The following SAXO1 variants were observed in gnomAD, a reference collection of about 807,000 sequenced individuals.
SAXO1 encodes 4930500O09Rik.
A neutral mutation model predicts 17.5 loss-of-function variants in SAXO1; 21 were observed. That is an observed-to-expected ratio of 1.20 (90% CI 0.85 to 1.72). SAXO1 has a LOEUF of 1.72. Among genes scored for constraint, SAXO1 ranks in the 40% most tolerant of loss-of-function variants. The pLI is 0.00. For missense variants in SAXO1, 843 were observed against 596.0 expected, an observed-to-expected ratio of 1.41 and a Z score of -4.32; for synonymous variants, 274 against 216.5, an observed-to-expected ratio of 1.27 and a Z score of -2.33.
At chr9:18,989,556 GCACACACACA>G (rs56265752) in intron 1 of SAXO1, among the ~76,000 whole-genome samples, 3 of 149,200 alleles carry the variant, frequency 2.0e-5, no homozygotes, top group Admixed American at 6.7e-5. Flanking sequence ...TAGCCATTAT[GCACACACACA>G]CACACACACA....
intron 1 of SAXO1, chr9:19,027,882 G>A (rs7033729): frequency 0.11 from 147,998 of 1,362,634 alleles, 9,979 homozygotes; most frequent in African/African-American, 0.31. Context: ...GGCCTGGACC[G>A]CAAGATCGAG....
intron 1 of SAXO1, among the ~76,000 whole-genome samples, chr9:19,022,061 G>T (rs1317953900): frequency 6.6e-6 from 1 of 152,186 alleles, no homozygotes; most frequent in African/African-American, 2.4e-5. Context: ...CACTCCTTGG[G>T]TCCGCACTAT....
intron 1 of SAXO1, among the ~76,000 whole-genome samples, chr9:18,995,930 C>G (rs1833982998): frequency 6.6e-6 from 1 of 151,824 alleles, no homozygotes; most frequent in Non-Finnish European, 1.5e-5. Context: ...AATACAACAA[C>G]TAGCTGGAAG....
intron 1 of SAXO1, among the ~76,000 whole-genome samples, chr9:19,041,412 C>G (rs927675743): frequency 2.6e-5 from 4 of 152,070 alleles, no homozygotes; most frequent in African/African-American, 9.7e-5. Context: ...ATGAAAGTAC[C>G]AATAACATTC....
At chr9:18,975,112 G>C (rs1051632480) in intron 1 of SAXO1, among the ~76,000 whole-genome samples, 7 of 152,162 alleles carry the variant, frequency 4.6e-5, no homozygotes, top group Non-Finnish European at 1.0e-4. Flanking sequence ...GGCAGCTATG[G>C]AGAAATAAGA....
chr9:19,001,496 T>A (rs1834260688), intron 1 of SAXO1, among the ~76,000 whole-genome samples: 1 of 151,800 alleles, frequency 6.6e-6, no homozygotes, highest in Admixed American at 6.6e-5. Context: ...TGAAACCCCG[T>A]CTCTACTAAA....
At chr9:18,993,678 G>C (rs1020499239) in intron 1 of SAXO1, among the ~76,000 whole-genome samples, 7 of 152,316 alleles carry the variant, frequency 4.6e-5, no homozygotes, top group Admixed American at 1.3e-4. Flanking sequence ...CAACAGAAAG[G>C]GGGTATAAGG....
intron 3 of SAXO1, among the ~76,000 whole-genome samples, chr9:18,935,255 A>G (rs892742201): frequency 1.3e-5 from 2 of 152,222 alleles, no homozygotes; most frequent in African/African-American, 4.8e-5. Context: ...TGGTCAGCCA[A>G]TGATTGGTCA....
chr9:18,950,003 G>C (rs1233258287), intron 2 of SAXO1, among the ~76,000 whole-genome samples: 1 of 152,100 alleles, frequency 6.6e-6, no homozygotes, highest in Non-Finnish European at 1.5e-5. Flanking sequence ...TGCACTCAAA[G>C]ATGTTTCCAC....
chr9:19,017,019 A>G (rs1342761874), intron 1 of SAXO1, among the ~76,000 whole-genome samples: 1 of 151,660 alleles, frequency 6.6e-6, no homozygotes, highest in Non-Finnish European at 1.5e-5. Flanking sequence ...TTCAATGCAG[A>G]CCAATTGGGC....
intron 2 of SAXO1, among the ~76,000 whole-genome samples, chr9:18,947,413 C>T (rs549658008): frequency 6.6e-6 from 1 of 152,230 alleles, no homozygotes; most frequent in South Asian, 2.1e-4. Context: ...CTACCAATTC[C>T]CTGCCGTCTG....
chr9:18,959,966 A>G (rs181321904), intron 1 of SAXO1, among the ~76,000 whole-genome samples: 9 of 152,182 alleles, frequency 5.9e-5, no homozygotes, highest in Admixed American at 5.9e-4. Flanking sequence ...GCAGATGCTG[A>G]TGAGAGAAGC....
chr9:18,937,734 G>A (rs1004046571), intron 3 of SAXO1, among the ~76,000 whole-genome samples: 1 of 152,056 alleles, frequency 6.6e-6, no homozygotes, highest in Non-Finnish European at 1.5e-5. Flanking sequence ...CAGCAACAAG[G>A]CACCATCTTG....
upstream of SAXO1, among the ~76,000 whole-genome samples, chr9:19,036,839 C>T (rs534680027): frequency 1.4e-3 from 214 of 152,216 alleles, no homozygotes; most frequent in African/African-American, 4.9e-3. Context: ...TCCTCCAGAC[C>T]CCAAAATGGG....
chr9:19,037,833 T>A (rs151066597), upstream of SAXO1, among the ~76,000 whole-genome samples: 652 of 152,296 alleles, frequency 4.3e-3, 3 homozygotes, highest in Admixed American at 6.0e-3. Flanking sequence ...CTCATCTGTC[T>A]CTTACAACTG....
chr9:19,047,738 T>C (rs1464620077), intron 1 of SAXO1, among the ~76,000 whole-genome samples: 1 of 152,186 alleles, frequency 6.6e-6, no homozygotes, highest in Non-Finnish European at 1.5e-5. Flanking sequence ...ACCAATCAAG[T>C]GTGAGGGTAA....
At chr9:19,016,793 T>G in intron 1 of SAXO1, among the ~76,000 whole-genome samples, 1 of 147,510 alleles carries the variant, frequency 6.8e-6, no homozygotes, top group Admixed American at 6.8e-5. Context: ...CTATCTAACA[T>G]CTGACTTTTT....
intron 1 of SAXO1, among the ~76,000 whole-genome samples, chr9:18,995,521 A>G (rs145921068): frequency 9.8e-4 from 150 of 152,320 alleles, no homozygotes; most frequent in Non-Finnish European, 1.9e-3. Context: ...CCTAGCTTGC[A>G]AGAAAGAACA....
intron 1 of SAXO1, among the ~76,000 whole-genome samples, chr9:18,990,281 A>T (rs963519857): frequency 6.6e-6 from 1 of 152,142 alleles, no homozygotes; most frequent in Non-Finnish European, 1.5e-5. Flanking sequence ...GGTATAACAA[A>T]CGCTCCCAGT....
Sources: gnomAD v4.1 joint callset for allele counts (sites outside exome capture counted in the v4.1 genomes callset) on GRCh38, gnomAD v4.1.1 for gene constraint, MANE v1.5 for transcripts, NCBI Gene and HGNC (gene_info 2026-07-23, HGNC 2026-07-21) for gene names.